The following CNTNAP5 variants were observed in gnomAD, a reference collection of about 807,000 sequenced individuals.
CNTNAP5 encodes the protein contactin-associated protein-like 5.
A neutral mutation model predicts 150.2 loss-of-function variants in CNTNAP5; 72 were observed. The observed-to-expected ratio is 0.48, with a 90% CI of 0.40 to 0.58. The LOEUF is 0.58. Among genes scored for constraint, CNTNAP5 ranks in the 20% least tolerant of loss-of-function variants. CNTNAP5 has a pLI of 0.00. For missense variants in CNTNAP5, 1,636 were observed against 1,626.2 expected, an observed-to-expected ratio of 1.01 and a Z score of -0.10; for synonymous variants, 672 against 619.8, an observed-to-expected ratio of 1.08 and a Z score of -1.25.
intron 19 of CNTNAP5, among the ~76,000 whole-genome samples, chr2:124,826,703 G>A (rs1045466415): frequency 4.6e-5 from 7 of 152,048 alleles, no homozygotes; most frequent in African/African-American, 1.7e-4. Flanking sequence ...CCACCTTTCA[G>A]TATTTTAACA....
intron 1 of CNTNAP5, among the ~76,000 whole-genome samples, chr2:124,150,803 A>T (rs994156542): frequency 2.0e-5 from 3 of 152,178 alleles, no homozygotes; most frequent in African/African-American, 7.2e-5. Flanking sequence ...ATACCATCAC[A>T]TTGGGAATTA....
chr2:124,540,748 G>T (rs778480879), intron 10 of CNTNAP5, among the ~76,000 whole-genome samples: 1 of 151,996 alleles, frequency 6.6e-6, no homozygotes, highest in Non-Finnish European at 1.5e-5. Flanking sequence ...CCAGGTGCTG[G>T]GTAGAAGCTG....
chr2:124,472,238 C>G (rs1264493489), intron 6 of CNTNAP5, among the ~76,000 whole-genome samples: 1 of 151,966 alleles, frequency 6.6e-6, no homozygotes, highest in East Asian at 1.9e-4. Context: ...TCTTGTCTGT[C>G]ACATGGATTT....
intron 13 of CNTNAP5, among the ~76,000 whole-genome samples, chr2:124,706,315 A>G (rs1464060465): frequency 6.6e-6 from 1 of 152,246 alleles, no homozygotes; most frequent in South Asian, 2.1e-4. Flanking sequence ...CAGCTAAAGC[A>G]TGATGCAAAA....
At chr2:124,192,358 C>T (rs1680071889) in intron 1 of CNTNAP5, among the ~76,000 whole-genome samples, 1 of 152,164 alleles carries the variant, frequency 6.6e-6, no homozygotes, top group Admixed American at 6.5e-5. Context: ...CAGCTGCCCC[C>T]TGCAGCCCTG....
At chr2:124,874,956 C>G (rs1235131389) in intron 21 of CNTNAP5, among the ~76,000 whole-genome samples, 1 of 151,842 alleles carries the variant, frequency 6.6e-6, no homozygotes, top group African/African-American at 2.4e-5. Context: ...TATTTACTTG[C>G]CTCAAAAAAA....
At chr2:124,063,957 A>C (rs1199777732) in intron 1 of CNTNAP5, among the ~76,000 whole-genome samples, 1 of 152,172 alleles carries the variant, frequency 6.6e-6, no homozygotes. Flanking sequence ...GAAGTCAGGC[A>C]CTTTCTATTG....
At chr2:124,149,576 T>G (rs1684353928) in intron 1 of CNTNAP5, among the ~76,000 whole-genome samples, 1 of 152,080 alleles carries the variant, frequency 6.6e-6, no homozygotes, top group African/African-American at 2.4e-5. Context: ...TACTTCTCTT[T>G]AGCTAAGAAA....
intron 13 of CNTNAP5, among the ~76,000 whole-genome samples, chr2:124,653,900 C>CA (rs1285355817): frequency 7.6e-6 from 1 of 131,014 alleles, no homozygotes; most frequent in African/African-American, 3.0e-5. Flanking sequence ...AACATGCCCC[C>CA]ACTGCCCCCA....
chr2:124,208,410 C>G (rs1573836746), intron 1 of CNTNAP5, among the ~76,000 whole-genome samples: 1 of 152,130 alleles, frequency 6.6e-6, no homozygotes, highest in East Asian at 1.9e-4. Context: ...TTATACTTAC[C>G]TCCATGTAAT....
intron 1 of CNTNAP5, among the ~76,000 whole-genome samples, chr2:124,124,090 C>T (rs771340374): frequency 2.6e-5 from 4 of 152,034 alleles, no homozygotes; most frequent in African/African-American, 4.8e-5. Flanking sequence ...AGGCTTCAGA[C>T]GATTGGTAAT....
chr2:124,303,151 T>G (rs1284350489), intron 3 of CNTNAP5, among the ~76,000 whole-genome samples: 1 of 152,072 alleles, frequency 6.6e-6, no homozygotes, highest in African/African-American at 2.4e-5. Flanking sequence ...TCATGAACAT[T>G]TGGGAGGTCT....
rs559509338 is a variant in CNTNAP5, at chr2:124,523,992, C to A, written c.1328-311C>A. On this transcript the variant is annotated intron_variant, in intron 8 of 23. Coordinates refer to ENST00000682447, the MANE Select transcript of CNTNAP5 (RefSeq NM_001367498.1). ...TTTTTTTTCCTCTGCGTTTATACAA[C>A]AATAGATCAGAATACGTGACATAAC... 1.4e-3 allele frequency among the ~76,000 whole-genome samples: 207 copies of A among 150,844 alleles called. 1 individual carries two copies. The South Asian group carries it at 0.025, about 18-fold the overall frequency.
intron 10 of CNTNAP5, among the ~76,000 whole-genome samples, chr2:124,548,735 G>C (rs1270371465): frequency 6.6e-6 from 1 of 152,168 alleles, no homozygotes; most frequent in African/African-American, 2.4e-5. Flanking sequence ...AAAATAACAA[G>C]AGTTCACAGT....
chr2:124,374,467 A>G (rs1416701725), intron 3 of CNTNAP5, among the ~76,000 whole-genome samples: 2 of 152,110 alleles, frequency 1.3e-5, no homozygotes, highest in African/African-American at 4.8e-5. Flanking sequence ...GTGAGTACTA[A>G]GAGAAGAAGT....
At chr2:124,393,832 A>G in intron 3 of CNTNAP5, among the ~76,000 whole-genome samples, 1 of 152,316 alleles carries the variant, frequency 6.6e-6, no homozygotes, top group East Asian at 1.9e-4. Context: ...TTGGTAAACC[A>G]AGGGGCACAT....
intron 1 of CNTNAP5, among the ~76,000 whole-genome samples, chr2:124,212,192 T>C (rs1038424634): frequency 2.0e-5 from 3 of 152,212 alleles, no homozygotes; most frequent in African/African-American, 7.2e-5. Flanking sequence ...TTTAAAAAAG[T>C]TCTACCTTCC....
chr2:124,242,150 A>G, intron 2 of CNTNAP5, 50 bp from the exon 3 acceptor site: 7 of 1,400,348 alleles, frequency 5.0e-6, no homozygotes, highest in Non-Finnish European at 3.0e-6. Flanking sequence ...AATTGTAGCT[A>G]TGTGAGACAT....
intron 1 of CNTNAP5, among the ~76,000 whole-genome samples, chr2:124,121,116 A>G (rs1683550204): frequency 1.3e-5 from 2 of 150,760 alleles, no homozygotes; most frequent in African/African-American, 2.4e-5. Context: ...AAAAGCATGG[A>G]AGCTTTTGGT....
Sources: allele counts gnomAD v4.1 joint callset (sites outside exome capture counted in the v4.1 genomes callset), GRCh38; gene constraint gnomAD v4.1.1; transcripts MANE v1.5; gene names NCBI Gene and HGNC (gene_info 2026-07-23, HGNC 2026-07-21).